SLC26A3: variants seen among roughly 807,000 people sequenced by gnomAD.
The protein encoded by SLC26A3 is chloride anion exchanger.
Under a neutral mutation model 85.6 loss-of-function variants are expected in SLC26A3, and 64 were observed. The observed-to-expected ratio is 0.75, with a 90% confidence interval of 0.61 to 0.92. SLC26A3 has a LOEUF of 0.92. Ranked by LOEUF, SLC26A3 falls within the 40% of genes least tolerant of loss-of-function variation. The probability of loss-of-function intolerance (pLI) is 0.00; values close to 1 mark genes in which losing one functional copy is unlikely to be tolerated. For missense variants in SLC26A3, 922 were observed against 927.3 expected, an observed-to-expected ratio of 0.99 and a Z score of 0.07; for synonymous variants, 349 against 336.0, an observed-to-expected ratio of 1.04 and a Z score of -0.42.
intron 18 of SLC26A3, among the ~76,000 whole-genome samples, chr7:107,770,239 T>C (rs1794005117): frequency 7.8e-4 from 27 of 34,838 alleles, no homozygotes; most frequent in African/African-American, 1.3e-3. Flanking sequence ...TTTTTTTTTT[T>C]TTTTTTTTTT....
chr7:107,783,438 A>G lies in SLC26A3; in HGVS notation c.972-86T>C. ...TTGGGCAAATCAATGAATGAATGCA[A>G]TCTAGGCTGAGTTGTGTCTCACTTT... On this transcript the variant is annotated intron_variant, in intron 8 of 20. Transcript: ENST00000340010. 3.4e-6 allele frequency: 5 copies of G among 1,471,086 alleles called. No individual in the cohort carries two copies. In the South Asian group the frequency reaches 4.6e-5, roughly 13 times the overall value. 91.1% of individuals were successfully genotyped at this position (1,471,086 alleles called of 1,614,324 possible).
intron 6 of SLC26A3, among the ~76,000 whole-genome samples, chr7:107,788,784 C>CTTTTTTTTTTTTTTTTTTTTTTTTT: frequency 9.3e-6 from 1 of 108,032 alleles, no homozygotes; most frequent in East Asian, 2.8e-4. Context: ...TTTTTCTTTT[C>CTTTTTTTTTTTTTTTTTTTTTTTTT]TTTTTTTTTT....
intron 12 of SLC26A3, 68 bp from the exon 13 acceptor site, chr7:107,778,349 T>C (rs1051904985): frequency 1.3e-6 from 1 of 758,940 alleles, no homozygotes; most frequent in Non-Finnish European, 2.1e-6. Context: ...AGACGGGGTC[T>C]TTTAAAAAGA....
intron 6 of SLC26A3, among the ~76,000 whole-genome samples, chr7:107,788,712 T>A (rs141686565): frequency 6.6e-6 from 1 of 151,966 alleles, no homozygotes; most frequent in Non-Finnish European, 1.5e-5. Flanking sequence ...TGATTTTCAG[T>A]ATTGTTCCCT....
intron 1 of SLC26A3, 121 bp from the exon 2 acceptor site, chr7:107,794,718 G>A (rs998835150): frequency 1.6e-4 from 91 of 569,768 alleles, no homozygotes; most frequent in Non-Finnish European, 2.7e-4. Context: ...AGGATTAAGG[G>A]ACCTAGATTG....
chr7:107,770,397 C>T (rs1192974465), intron 18 of SLC26A3, among the ~76,000 whole-genome samples: 2 of 150,654 alleles, frequency 1.3e-5, no homozygotes, highest in Admixed American at 6.6e-5. Context: ...GCTGGGACTA[C>T]AGGCACATGC....
At position 107,778,126 on chromosome 7, in the gene SLC26A3, T is replaced by A; in HGVS notation, c.1514+49A>T. On this transcript the variant is annotated intron_variant, in intron 13 of 20. Coordinates refer to ENST00000340010, the MANE Select transcript of SLC26A3 (RefSeq NM_000111.3). ...AGTGACATTTTTTTTCCTCTTCTGA[T>A]TTGGGCAGGTCCAAGCCTGCCAGGA... 3 of 1,268,028 alleles carry A rather than the reference T, an allele frequency of 2.4e-6. No individual in the cohort carries two copies. In the South Asian group the frequency reaches 3.6e-5, roughly 15 times the overall value. The allele number at this position is 1,268,028 out of a possible 1,614,324, so 78.5% of individuals were successfully genotyped here. A position where few individuals can be genotyped will look rare whatever the true frequency, so the allele number is the denominator to read the frequency against.
chr7:107,787,748 C>T (rs1368896170), intron 6 of SLC26A3, among the ~76,000 whole-genome samples: 2 of 152,156 alleles, frequency 1.3e-5, no homozygotes, highest in Non-Finnish European at 2.9e-5. Context: ...ATGCTTCTGG[C>T]ATTTTTGCTG....
rs188943657 is a variant in SLC26A3 at position 107,772,193 on chromosome 7, G to A, written c.2008-85C>T. ...GAAAACAATCAGAATTATACCTTAC[G>A]GGTGATATATTCCTTTTAGAAGCTT... On this transcript the variant is annotated intron_variant, in intron 17 of 20. Transcript: ENST00000340010. The A allele has an allele frequency of 2.4e-4, 188 of 789,064 alleles. No homozygotes were observed. In the African/African-American group the frequency reaches 2.4e-3, roughly 10 times the overall value. 48.9% of individuals were successfully genotyped at this position (789,064 alleles called of 1,614,324 possible).
rs1794357702 is a variant in SLC26A3, at chr7:107,789,567, T to G, written c.692A>C (p.Gln231Pro). 2 of 1,614,086 alleles carry G rather than the reference T, an allele frequency of 1.2e-6. No homozygotes were observed. Among genetic ancestry groups the G allele is most frequent in the Non-Finnish European group, 1.7e-6 (2 of 1,180,020 alleles). Residue 231 changes from glutamine (Q) to proline (P), a missense_variant, in exon 6 of 21, where the codon CAG becomes CCG. Gln to Pro is a moderately conservative substitution (Grantham distance 76). Coordinates refer to ENST00000340010, the MANE Select transcript of SLC26A3 (RefSeq NM_000111.3). Reference protein sequence around the residue: ...VLVSQLKFIFQLTVPSHTDPV... With the variant: ...VLVSQLKFIFPLTVPSHTDPV... ...ATCAGTGTGTGACGGGACTGTCAAC[T>G]GAAAAATGAATTTGAGTTGGGAAAC...
chr7:107,784,209 C>G (rs1301686091), intron 8 of SLC26A3, among the ~76,000 whole-genome samples: 1 of 151,978 alleles, frequency 6.6e-6, no homozygotes, highest in Non-Finnish European at 1.5e-5. Context: ...ACTATTATAC[C>G]ATAATTTTGA....
chr7:107,787,449 G>C lies in SLC26A3; in HGVS notation c.796C>G (p.Leu266Val). 1 of 1,613,882 alleles carries C rather than the reference G, an allele frequency of 6.2e-7. No homozygotes were observed. Among genetic ancestry groups the C allele is most frequent in the African/African-American group, 1.3e-5 (1 of 75,048 alleles). The change falls in exon 7 of 21, where the codon CTG becomes GTG. Residue 266 changes from leucine to valine, a missense_variant. Leu to Val is a conservative substitution (Grantham distance 32). Coordinates refer to ENST00000340010, the MANE Select transcript of SLC26A3 (RefSeq NM_000111.3). ...KTNIADLVTALIVLLVVSIVK... is the reference protein window; with the variant it reads ...KTNIADLVTAVIVLLVVSIVK... ...ATGGATACAACCAAAAGGACAATCA[G>C]AGCTGTCACCAGGTCTGCAATATTA...
intron 8 of SLC26A3, among the ~76,000 whole-genome samples, chr7:107,783,822 T>C (rs1025933811): frequency 5.3e-5 from 8 of 152,218 alleles, no homozygotes; most frequent in African/African-American, 1.9e-4. Context: ...GGAAAACTCC[T>C]GGCAAAGAGA....
At chr7:107,766,163 T>C (rs1793911567) in intron 20 of SLC26A3, among the ~76,000 whole-genome samples, 1 of 152,210 alleles carries the variant, frequency 6.6e-6, no homozygotes, top group Non-Finnish European at 1.5e-5. Context: ...TATATTCAGC[T>C]GTTACCCCAG....
In SLC26A3 at chr7:107,791,080, C is replaced by T. The variant is rs1294538532; in HGVS notation, c.538G>A (p.Ala180Thr). The stretch of plus-strand genomic sequence containing the variant: ...ATTCCAGAAAGCACTGTGACTGATG[C>T]CGCCGCCGCCACCCTCACCCTCTCG... ...DDERVRVAAA[A>T]SVTVLSGIIQ... The change falls in exon 5 of 21, where the codon GCA becomes ACA. Residue 180 changes from alanine to threonine, a missense_variant. Ala to Thr is a moderately conservative substitution (Grantham distance 58). Coordinates refer to ENST00000340010, the MANE Select transcript of SLC26A3 (RefSeq NM_000111.3). 3 of 1,613,986 alleles carry T rather than the reference C, an allele frequency of 1.9e-6. No homozygotes were observed. Among genetic ancestry groups the T allele is most frequent in the Non-Finnish European group, 1.7e-6 (2 of 1,179,958 alleles).
rs1793900553 is a variant in SLC26A3, at chr7:107,765,678, A to G, written c.*177T>C. ...GATATAAAATTTAGAATACTTATATAATTTCATACTAGATATGTGAAAAAT... is the reference window on the plus strand; with the variant it reads ...GATATAAAATTTAGAATACTTATATGATTTCATACTAGATATGTGAAAAAT... On this transcript the variant is annotated 3_prime_UTR_variant, in exon 21 of 21. Transcript: ENST00000340010. 2 of 548,922 alleles carry G rather than the reference A, an allele frequency of 3.6e-6. No individual in the cohort carries two copies. Among genetic ancestry groups the G allele is most frequent in the Admixed American group, 6.4e-5 (2 of 31,224 alleles). 34.0% of individuals were successfully genotyped at this position (548,922 alleles called of 1,614,324 possible).
intron 13 of SLC26A3, among the ~76,000 whole-genome samples, chr7:107,777,577 C>T (rs953480146): frequency 1.3e-5 from 2 of 151,648 alleles, no homozygotes; most frequent in Non-Finnish European, 2.9e-5. Flanking sequence ...GCGACAAGAG[C>T]GAAACTCTGT....
chr7:107,791,868 A>G lies in SLC26A3; in HGVS notation c.344T>C (p.Ile115Thr). The part of the protein sequence containing the change: ...GLYASFFPAI[I>T]YLFFGTSRHI... ...TCTGGAAGTGCCGAAGAAAAGGTAGATTATGGCTGGGAAAAAGGATGCATA... is the reference window on the plus strand; with the variant it reads ...TCTGGAAGTGCCGAAGAAAAGGTAGGTTATGGCTGGGAAAAAGGATGCATA... The change falls in exon 4 of 21, where the codon ATC (isoleucine) becomes ACC (threonine). Residue 115 changes from isoleucine (I) to threonine (T), a missense_variant. Transcript: ENST00000340010. The G allele has an allele frequency of 6.2e-7, 1 of 1,613,766 alleles. No individual in the cohort carries two copies. Among genetic ancestry groups the G allele is most frequent in the South Asian group, 1.1e-5 (1 of 91,076 alleles).
intron 20 of SLC26A3, among the ~76,000 whole-genome samples, chr7:107,766,249 T>C (rs1382897437): frequency 1.3e-5 from 2 of 152,184 alleles, no homozygotes; most frequent in Non-Finnish European, 2.9e-5. Context: ...ATGTTTCTTT[T>C]TTTTAATATG....
Sources: gnomAD v4.1 joint callset for allele counts (sites outside exome capture counted in the v4.1 genomes callset) on GRCh38, gnomAD v4.1.1 for gene constraint, MANE v1.5 for transcripts, NCBI Gene and HGNC (gene_info 2026-07-23, HGNC 2026-07-21) for gene names.